The following SEMA3D variants were observed in gnomAD, a reference collection of about 807,000 sequenced individuals.
The protein encoded by SEMA3D is semaphorin-3D.
Under a neutral mutation model 100.1 loss-of-function variants are expected in SEMA3D, and 84 were observed. The ratio of observed to expected loss-of-function variants is 0.84; its 90% CI spans 0.70 to 1.01. The LOEUF (loss-of-function observed/expected upper bound fraction) is 1.01. Among genes scored for constraint, SEMA3D ranks in the 50% least tolerant of loss-of-function variants. The pLI is 0.00. For synonymous variants in SEMA3D, 312 were observed against 320.7 expected, an observed-to-expected ratio of 0.97 and a Z score of 0.29; for missense variants, 875 against 934.1, an observed-to-expected ratio of 0.94 and a Z score of 0.82.
At chr7:85,247,725 G>A in the SEMA3D span, among the ~76,000 whole-genome samples, 2 of 152,034 alleles carry the variant, frequency 1.3e-5, no homozygotes, top group Non-Finnish European at 2.9e-5. Flanking sequence ...ACTGAATAGG[G>A]AGCCAAGAAA....
At chr7:85,018,114 A>C in intron 15 of SEMA3D, 138 bp downstream of exon 15, 1 of 676,044 alleles carries the variant, frequency 1.5e-6, no homozygotes, top group Non-Finnish European at 2.7e-6. Flanking sequence ...GTCTCTAATG[A>C]ATTACAAGAG....
At chr7:85,122,181 C>T (rs1315984197) in intron 2 of SEMA3D, among the ~76,000 whole-genome samples, 3 of 151,382 alleles carry the variant, frequency 2.0e-5, no homozygotes, top group Admixed American at 6.6e-5. Context: ...CACGTGTACA[C>T]CTATGTAAGA....
chr7:85,018,901 T>C (rs1439764506), intron 14 of SEMA3D, among the ~76,000 whole-genome samples: 3 of 151,682 alleles, frequency 2.0e-5, no homozygotes, highest in Non-Finnish European at 3.0e-5. Context: ...AAGGACAAGA[T>C]GGCTTAAAAA....
chr7:85,248,609 G>A, the SEMA3D span, among the ~76,000 whole-genome samples: 8 of 152,172 alleles, frequency 5.3e-5, no homozygotes, highest in Non-Finnish European at 1.2e-4. Context: ...GAAATAAAAC[G>A]TGATACATCT....
chr7:85,237,776 G>A, the SEMA3D span, among the ~76,000 whole-genome samples: 2 of 152,266 alleles, frequency 1.3e-5, no homozygotes, highest in East Asian at 3.9e-4. Flanking sequence ...GTGAGCGTAA[G>A]TTTTCAGTTC....
intron 14 of SEMA3D, among the ~76,000 whole-genome samples, chr7:85,019,050 T>C (rs1187190691): frequency 6.6e-6 from 1 of 151,734 alleles, no homozygotes; most frequent in East Asian, 1.9e-4. Flanking sequence ...TTCTATCAAA[T>C]AGCATTTTTG....
intron 1 of SEMA3D, among the ~76,000 whole-genome samples, chr7:85,176,446 G>A (rs1471603017): frequency 1.3e-5 from 2 of 151,902 alleles, no homozygotes; most frequent in African/African-American, 2.4e-5. Context: ...TGTATGCTAC[G>A]ACTCATACAA....
intron 5 of SEMA3D, among the ~76,000 whole-genome samples, chr7:85,077,294 CTATT>C (rs887586206): frequency 6.6e-6 from 1 of 151,706 alleles, no homozygotes; most frequent in Non-Finnish European, 1.5e-5. Flanking sequence ...ATAGAAATGA[CTATT>C]TAAATAAAGT....
At chr7:85,134,557 C>A (rs1240716224) in intron 2 of SEMA3D, among the ~76,000 whole-genome samples, 1 of 151,826 alleles carries the variant, frequency 6.6e-6, no homozygotes, top group African/African-American at 2.4e-5. Context: ...TCATTTGTAC[C>A]TTCCAGAACA....
intron 6 of SEMA3D, among the ~76,000 whole-genome samples, chr7:85,071,121 C>G (rs186848538): frequency 2.0e-5 from 3 of 152,158 alleles, no homozygotes; most frequent in Non-Finnish European, 2.9e-5. Context: ...CAGCAGGTTG[C>G]GAGTTTGGCC....
intron 17 of SEMA3D, among the ~76,000 whole-genome samples, chr7:85,008,613 G>T (rs924856810): frequency 2.0e-5 from 3 of 151,586 alleles, no homozygotes; most frequent in Non-Finnish European, 4.4e-5. Context: ...CAAAATCCAA[G>T]ACATTTTCAG....
the SEMA3D span, among the ~76,000 whole-genome samples, chr7:85,202,675 G>A: frequency 6.6e-6 from 1 of 151,948 alleles, no homozygotes; most frequent in South Asian, 2.1e-4. Flanking sequence ...TCAAAAAGTG[G>A]GCGAAAGACA....
At chr7:85,103,927 A>T (rs1320648079) in intron 3 of SEMA3D, among the ~76,000 whole-genome samples, 3 of 152,044 alleles carry the variant, frequency 2.0e-5, no homozygotes, top group Non-Finnish European at 4.4e-5. Context: ...GGTTCCGAGG[A>T]TCGAATTTCA....
chr7:85,031,365 G>T (rs953276652), intron 12 of SEMA3D, among the ~76,000 whole-genome samples: 1 of 151,916 alleles, frequency 6.6e-6, no homozygotes, highest in Non-Finnish European at 1.5e-5. Context: ...TTTAGTAAAG[G>T]TTCTAACAAT....
intron 4 of SEMA3D, among the ~76,000 whole-genome samples, chr7:85,093,817 A>T (rs1486129846): frequency 1.3e-5 from 2 of 152,030 alleles, no homozygotes; most frequent in African/African-American, 4.8e-5. Context: ...TATTCAAGGA[A>T]TGTATAATGT....
chr7:85,010,871 T>C (rs988080828), intron 17 of SEMA3D, among the ~76,000 whole-genome samples: 2 of 151,456 alleles, frequency 1.3e-5, no homozygotes, highest in African/African-American at 2.4e-5. Context: ...TAGACAGTAT[T>C]AGGGAGTCAG....
chr7:85,065,611 A>C (rs1248035169), intron 7 of SEMA3D, 59 bp from the exon 8 acceptor site: 1 of 1,342,778 alleles, frequency 7.4e-7, no homozygotes, highest in Non-Finnish European at 1.1e-6. Flanking sequence ...ATGCTATTTA[A>C]CATGTACAAA....
chr7:85,171,852 T>C (rs1212304142), intron 1 of SEMA3D, among the ~76,000 whole-genome samples: 1 of 151,676 alleles, frequency 6.6e-6, no homozygotes, highest in East Asian at 1.9e-4. Flanking sequence ...CTTGACTCAG[T>C]TTTAGTCTTT....
intron 1 of SEMA3D, among the ~76,000 whole-genome samples, chr7:85,158,046 G>T (rs955868190): frequency 1.3e-5 from 2 of 151,806 alleles, no homozygotes; most frequent in Admixed American, 1.3e-4. Context: ...TATCATCTTC[G>T]CAAGCTGAGG....
Sources: allele counts gnomAD v4.1 joint callset (sites outside exome capture counted in the v4.1 genomes callset), GRCh38; gene constraint gnomAD v4.1.1; transcripts MANE v1.5; gene names NCBI Gene and HGNC (gene_info 2026-07-23, HGNC 2026-07-21).